Variants in TENM2 observed in about 807,000 individuals in gnomAD.
TENM2 encodes the protein teneurin transmembrane protein 2, also known as teneurin-2.
Under a neutral mutation model 245.2 loss-of-function variants are expected in TENM2, and 52 were observed. The ratio of observed to expected loss-of-function variants is 0.21; its 90% CI spans 0.17 to 0.27. The LOEUF is 0.27. Ranked by LOEUF, TENM2 falls within the 10% of genes least tolerant of loss-of-function variation. The probability of loss-of-function intolerance (pLI) is 1.00; values close to 1 mark genes in which losing one functional copy is unlikely to be tolerated. For missense variants in TENM2, 3,046 were observed against 3,666.8 expected (o/e 0.83, Z 4.37); for synonymous variants, 1,363 against 1,438.9 (o/e 0.95, Z 1.19).
At chr5:167,346,425 A>T (rs1183317710) in intron 1 of TENM2, among the ~76,000 whole-genome samples, 1 of 152,204 alleles carries the variant, frequency 6.6e-6, no homozygotes, top group Non-Finnish European at 1.5e-5. Context: ...TTATTAATAA[A>T]CATATGATTT....
intron 2 of TENM2, among the ~76,000 whole-genome samples, chr5:167,544,872 G>A (rs1289032232): frequency 6.6e-6 from 1 of 152,148 alleles, no homozygotes; most frequent in Non-Finnish European, 1.5e-5. Context: ...TGTAATTGGG[G>A]AATAGAATTA....
chr5:167,279,672 T>G, the TENM2 span, among the ~76,000 whole-genome samples: 9 of 152,116 alleles, frequency 5.9e-5, no homozygotes, highest in Non-Finnish European at 1.3e-4. Context: ...ATCTACCATC[T>G]ATCAAGAGTT....
chr5:167,921,904 A>G (rs1333571616), intron 3 of TENM2, among the ~76,000 whole-genome samples: 1 of 152,214 alleles, frequency 6.6e-6, no homozygotes, highest in Non-Finnish European at 1.5e-5. Context: ...AGAGGATTAT[A>G]GAACTTTCTC....
intron 2 of TENM2, among the ~76,000 whole-genome samples, chr5:167,492,117 A>G (rs1416987132): frequency 1.3e-5 from 2 of 152,184 alleles, no homozygotes; most frequent in Non-Finnish European, 2.9e-5. Flanking sequence ...TAAGCAGAAA[A>G]GCATTTATAT....
At chr5:167,910,001 A>G (rs1367966575) in intron 3 of TENM2, among the ~76,000 whole-genome samples, 1 of 151,904 alleles carries the variant, frequency 6.6e-6, no homozygotes, top group African/African-American at 2.4e-5. Context: ...TGGGCTTATA[A>G]TTATATAATA....
chr5:167,183,233 A>T, the TENM2 span, among the ~76,000 whole-genome samples: 5 of 152,116 alleles, frequency 3.3e-5, no homozygotes, highest in African/African-American at 1.2e-4. Flanking sequence ...TTGATGATGT[A>T]TTCCGCTTCA....
At chr5:166,981,790 CTCTG>C in the TENM2 span, among the ~76,000 whole-genome samples, 1 of 152,040 alleles carries the variant, frequency 6.6e-6, no homozygotes, top group African/African-American at 2.4e-5. Flanking sequence ...CCAGCCACCC[CTCTG>C]TCTACTTCTA....
the TENM2 span, among the ~76,000 whole-genome samples, chr5:167,055,894 G>A: frequency 1.3e-5 from 2 of 151,780 alleles, no homozygotes; most frequent in Non-Finnish European, 1.5e-5. Context: ...TCTGTATACC[G>A]CTTCTTTTCT....
At chr5:167,541,405 T>C (rs573544919) in intron 2 of TENM2, among the ~76,000 whole-genome samples, 1 of 152,232 alleles carries the variant, frequency 6.6e-6, no homozygotes, top group Non-Finnish European at 1.5e-5. Flanking sequence ...AGTTTATAAG[T>C]AAAAAAGAAA....
At chr5:167,910,879 G>A (rs980928391) in intron 3 of TENM2, among the ~76,000 whole-genome samples, 2 of 152,154 alleles carry the variant, frequency 1.3e-5, no homozygotes, top group Admixed American at 6.5e-5. Context: ...ATAAGAGCAA[G>A]AACCTATCAT....
the TENM2 span, among the ~76,000 whole-genome samples, chr5:167,166,888 T>C: frequency 6.6e-6 from 1 of 152,148 alleles, no homozygotes; most frequent in African/African-American, 2.4e-5. Flanking sequence ...AAACCTACCT[T>C]GGGTGGTCCT....
In TENM2 at chr5:168,218,341, C is replaced by A; in HGVS notation, c.4450C>A (p.His1484Asn). Residue 1484 changes from histidine (H) to asparagine (N), a missense_variant, in exon 23 of 29, where the codon CAC becomes AAC. By Grantham distance (68) the His-to-Asn change is moderately conservative. Around this residue, in one of 2 missense-constraint regions of TENM2, gnomAD observed 2,704 missense variants for 3,331.9 expected, o/e 0.81. Coordinates refer to ENST00000518659, the Ensembl canonical transcript of TENM2. The surrounding 1 kb of genome is among the most constrained non-coding windows in gnomAD (Gnocchi z 5.2). ...GTCAGCCAGTGCCATTGCCATTTCT[C>A]ACACTGGGGTCCTCTACATCACTGA... 6.2e-7 allele frequency: 1 copy of A among 1,614,034 alleles called. No individual in the cohort carries two copies. Among genetic ancestry groups the A allele is most frequent in the Non-Finnish European group, 8.5e-7 (1 of 1,179,892 alleles).
chr5:167,500,530 T>G (rs1391023547), intron 2 of TENM2, among the ~76,000 whole-genome samples: 5 of 152,186 alleles, frequency 3.3e-5, no homozygotes, highest in Admixed American at 2.0e-4. Context: ...TGACCTAGAT[T>G]ATTAGGAAGC....
chr5:167,778,260 C>T (rs916423788), intron 2 of TENM2, among the ~76,000 whole-genome samples: 1 of 152,126 alleles, frequency 6.6e-6, no homozygotes, highest in African/African-American at 2.4e-5. Context: ...CTGCTGAAAC[C>T]AACAAGAGCC....
chr5:167,170,925 A>G, the TENM2 span, among the ~76,000 whole-genome samples: 36 of 147,960 alleles, frequency 2.4e-4, no homozygotes, highest in South Asian at 6.0e-3. Flanking sequence ...CTCTTTTTTC[A>G]TTTGACTTCT....
chr5:168,150,943 G>A (rs1165881927), intron 12 of TENM2, among the ~76,000 whole-genome samples: 4 of 152,100 alleles, frequency 2.6e-5, no homozygotes, highest in Admixed American at 2.0e-4. Context: ...CCTTGAAGTG[G>A]CTCAGTGAAG....
At chr5:167,347,840 A>T (rs1758563543) in intron 1 of TENM2, among the ~76,000 whole-genome samples, 1 of 152,206 alleles carries the variant, frequency 6.6e-6, no homozygotes, top group South Asian at 2.1e-4. Context: ...TAGACAAGGT[A>T]CCTTCTCCCT....
chr5:167,726,224 C>T (rs1351671190), intron 2 of TENM2, among the ~76,000 whole-genome samples: 4 of 138,754 alleles, frequency 2.9e-5, no homozygotes, highest in Admixed American at 1.5e-4. Flanking sequence ...TAATGCTCCT[C>T]ATTACCTGAA....
At chr5:167,202,721 A>G in the TENM2 span, among the ~76,000 whole-genome samples, 416 of 152,240 alleles carry the variant, frequency 2.7e-3, no homozygotes, top group African/African-American at 9.6e-3. Flanking sequence ...AAATCAGGAC[A>G]TCTCTAAACT....
Sources: allele counts gnomAD v4.1 joint callset (sites outside exome capture counted in the v4.1 genomes callset), GRCh38; gene constraint gnomAD v4.1.1; regional missense constraint gnomAD v4.1.1; non-coding constraint Gnocchi (gnomAD v3.1); transcripts MANE v1.5; gene names NCBI Gene and HGNC (gene_info 2026-07-23, HGNC 2026-07-21).